Variants in SERPINE2 observed in about 807,000 individuals in gnomAD.
SERPINE2 encodes the protein glia-derived nexin.
SERPINE2 carries 14 observed loss-of-function variants against 36.3 expected under a neutral mutation model. The observed-to-expected ratio is 0.39, with a 90% CI of 0.25 to 0.60. The LOEUF is 0.60. SERPINE2 is among the 20% of genes least tolerant of loss of function. The pLI, the probability that SERPINE2 is intolerant of heterozygous loss-of-function variation, is 0.57. For missense variants in SERPINE2, 418 were observed against 499.6 expected (o/e 0.84, Z 1.56); for synonymous variants, 192 against 191.8 (o/e 1.00, Z -0.01).
chr2:224,033,537 C>T (rs2106205203), intron 1 of SERPINE2, among the ~76,000 whole-genome samples: 1 of 152,064 alleles, frequency 6.6e-6, no homozygotes, highest in Middle Eastern at 3.4e-3. Flanking sequence ...ACCCATTATA[C>T]AGACAAGGAA....
intron 1 of SERPINE2, chr2:224,029,980 A>G (rs1477852513): frequency 1.3e-5 from 11 of 858,006 alleles, no homozygotes; most frequent in African/African-American, 1.8e-5. Flanking sequence ...TACAGGCGTG[A>G]GCCAGCATAG....
rs1401674087 is a variant in SERPINE2, at chr2:224,001,923, C to T, written c.-22-1G>A. On this transcript the variant is annotated splice_acceptor_variant, in intron 1 of 8. Coordinates refer to ENST00000409304, the MANE Select transcript of SERPINE2 (RefSeq NM_001136528.2). LOFTEE classifies it low-confidence loss of function (5UTR_SPLICE). ...CATGGTTCCTTCCACCAAGGACGAC[C>T]TGGAAAAGTAAGTTAAAAAATATTT... The T allele has an allele frequency of 6.3e-7, 1 of 1,599,664 alleles. No individual in the cohort carries two copies. The highest frequency in any genetic ancestry group is 1.1e-5 in the South Asian group (1 of 89,864).
intron 2 of SERPINE2, among the ~76,000 whole-genome samples, chr2:224,000,110 C>T (rs1691053259): frequency 6.6e-6 from 1 of 152,228 alleles, no homozygotes; most frequent in Admixed American, 6.5e-5. Flanking sequence ...CAAATCGCCA[C>T]CTCACTGATC....
intron 5 of SERPINE2, among the ~76,000 whole-genome samples, chr2:223,984,153 T>C (rs563457586): frequency 6.6e-6 from 1 of 152,140 alleles, no homozygotes; most frequent in South Asian, 2.1e-4. Context: ...GGGAACAACA[T>C]TCATTGCTTC....
intron 1 of SERPINE2, among the ~76,000 whole-genome samples, chr2:224,004,902 A>G (rs939230919): frequency 1.3e-5 from 2 of 150,646 alleles, no homozygotes; most frequent in African/African-American, 4.9e-5. Flanking sequence ...TGAATATTTG[A>G]ATAAATATTA....
chr2:224,035,370 G>GT (rs1198422695), intron 1 of SERPINE2, among the ~76,000 whole-genome samples: 7 of 70,946 alleles, frequency 9.9e-5, no homozygotes, highest in African/African-American at 2.2e-4. Flanking sequence ...CCTATTCCAG[G>GT]TTTTTTTTGT....
rs572856767 is a variant in SERPINE2 at position 224,014,539 on chromosome 2, C to T, written c.-22-12617G>A. ...GAAAGTCAGAGGGATCATTGTGTGG[C>T]GCCTGGGGCGAGAGTGGGAATGTGT... On this transcript the variant is annotated intron_variant, in intron 1 of 8. Transcript: ENST00000409304. Among the ~76,000 whole-genome samples the T allele has an allele frequency of 6.6e-5, 10 of 152,172 alleles. 1 individual carries two copies. The highest frequency in any genetic ancestry group is 9.7e-5 in the African/African-American group (4 of 41,448).
chr2:223,995,025 T>C (rs909028082), intron 3 of SERPINE2, among the ~76,000 whole-genome samples: 1 of 151,976 alleles, frequency 6.6e-6, no homozygotes, highest in African/African-American at 2.4e-5. Flanking sequence ...GGTACAGAAA[T>C]GAGTTGGCCT....
chr2:224,012,615 A>T lies in SERPINE2; in HGVS notation c.-22-10693T>A, dbSNP rs1240783449. ...GAGACTCCATCCCAAAAAAAAAAAA[A>T]AAATTATACACAGGCACAAAAAAAG... On this transcript the variant is annotated intron_variant, in intron 1 of 8. Coordinates refer to ENST00000409304, the MANE Select transcript of SERPINE2 (RefSeq NM_001136528.2). 3.3e-5 allele frequency among the ~76,000 whole-genome samples: 5 copies of T among 152,236 alleles called. No homozygotes were observed. The East Asian group carries it at 9.6e-4, about 29-fold the overall frequency.
At chr2:224,000,280 C>G (rs1365915314) in intron 2 of SERPINE2, among the ~76,000 whole-genome samples, 1 of 152,066 alleles carries the variant, frequency 6.6e-6, no homozygotes, top group Non-Finnish European at 1.5e-5. Flanking sequence ...GTGCTGGTGG[C>G]CAGGAAGAGG....
At chr2:223,977,651 G>GCACAACACATT in intron 7 of SERPINE2, 24 bp from the exon 8 acceptor site, 4 of 1,528,116 alleles carry the variant, frequency 2.6e-6, no homozygotes, top group South Asian at 1.1e-5. Flanking sequence ...AGGAAAATGT[G>GCACAACACATT]TTGTGCACAT....
intron 5 of SERPINE2, among the ~76,000 whole-genome samples, chr2:223,984,309 T>G (rs898625782): frequency 3.9e-5 from 6 of 152,244 alleles, no homozygotes; most frequent in African/African-American, 1.4e-4. Context: ...AAAAACTGGC[T>G]GCCTTGGTCT....
intron 1 of SERPINE2, among the ~76,000 whole-genome samples, chr2:224,032,387 G>C (rs1692407838): frequency 6.6e-6 from 1 of 152,098 alleles, no homozygotes; most frequent in African/African-American, 2.4e-5. Context: ...ATATTTGCTG[G>C]AACTACATGG....
At chr2:223,980,857 GT>G (rs34876521) in intron 6 of SERPINE2, 35,067 of 158,092 alleles carry the variant, frequency 0.22, 4,472 homozygotes, top group Non-Finnish European at 0.3. Context: ...CATACGGCTA[GT>G]TAGTGGCAGA....
rs375757013 is a variant in SERPINE2 at position 223,991,866 on chromosome 2, C to A, written c.622G>T (p.Val208Leu). The stretch of plus-strand genomic sequence containing the variant: ...TGATAGGATTTCCCGTCGGCTGCCA[C>A]GAAAGTGCGTTTCTTTGTGTTCTCG... ...QPENTKKRTF[V>L]AADGKSYQVP... The change falls in exon 4 of 9, where the codon GTG becomes TTG. Residue 208 changes from valine to leucine, a missense_variant. Val to Leu is a conservative substitution (Grantham distance 32). Transcript: ENST00000409304. 3 of 1,613,314 alleles carry A rather than the reference C, an allele frequency of 1.9e-6. No homozygotes were observed. Among genetic ancestry groups the A allele is most frequent in the Non-Finnish European group, 2.5e-6 (3 of 1,179,784 alleles).
chr2:224,019,927 C>T (rs1691939873), intron 1 of SERPINE2, among the ~76,000 whole-genome samples: 2 of 151,808 alleles, frequency 1.3e-5, no homozygotes, highest in Admixed American at 1.3e-4. Flanking sequence ...CTAATAGCAC[C>T]CCACCCAGAT....
chr2:224,005,055 T>A (rs3080092), intron 1 of SERPINE2, among the ~76,000 whole-genome samples: 64,528 of 94,556 alleles, frequency 0.68, 20,025 homozygotes, highest in Non-Finnish European at 0.74. Flanking sequence ...TTTTATATAT[T>A]TTATATATAT....
Position 223,980,411 on chromosome 2 carries a change from A to G in SERPINE2, c.986-14T>C. Reference sequence around the variant, plus strand: ...GGTTTTCTGACCCTGCTTCCAGAAAATAAAACAGTATCAGCATTTGTTTGA... The same window carrying G: ...GGTTTTCTGACCCTGCTTCCAGAAAGTAAAACAGTATCAGCATTTGTTTGA... On this transcript the variant is annotated splice_polypyrimidine_tract_variant and intron_variant, in intron 6 of 8. Coordinates refer to ENST00000409304, the MANE Select transcript of SERPINE2 (RefSeq NM_001136528.2). The G allele has an allele frequency of 1.2e-6, 2 of 1,609,806 alleles. No homozygotes were observed. Among genetic ancestry groups the G allele is most frequent in the Non-Finnish European group, 1.7e-6 (2 of 1,176,084 alleles).
At chr2:223,980,246 T>C in intron 7 of SERPINE2, 65 bp downstream of exon 7, 2 of 1,320,964 alleles carry the variant, frequency 1.5e-6, no homozygotes, top group Non-Finnish European at 1.1e-6. Context: ...GCTCAACCAA[T>C]GAGTATACAG....
Sources: gnomAD v4.1 joint callset for allele counts (sites outside exome capture counted in the v4.1 genomes callset) on GRCh38, gnomAD v4.1.1 for gene constraint, MANE v1.5 for transcripts, NCBI Gene and HGNC (gene_info 2026-07-23, HGNC 2026-07-21) for gene names.